The following COL19A1 variants were observed in gnomAD, a reference collection of about 807,000 sequenced individuals.
COL19A1 encodes collagen type XIX alpha 1 chain.
Under a neutral mutation model 190.2 loss-of-function variants are expected in COL19A1, and 159 were observed. The ratio of observed to expected loss-of-function variants is 0.84; its 90% CI spans 0.73 to 0.95. The LOEUF is 0.95. COL19A1 is among the 40% of genes least tolerant of loss of function. The pLI, the probability that COL19A1 is intolerant of heterozygous loss-of-function variation, is 0.00. For missense variants in COL19A1, 1,418 were observed against 1,431.9 expected, an observed-to-expected ratio of 0.99 and a Z score of 0.16; for synonymous variants, 509 against 458.9, an observed-to-expected ratio of 1.11 and a Z score of -1.39.
At chr6:70,083,016 A>T (rs1782362028) in intron 15 of COL19A1, among the ~76,000 whole-genome samples, 1 of 152,188 alleles carries the variant, frequency 6.6e-6, no homozygotes, top group African/African-American at 2.4e-5. Flanking sequence ...CCTGCTGTGC[A>T]GCCCGGTTCC....
intron 16 of COL19A1, among the ~76,000 whole-genome samples, chr6:70,117,706 G>A (rs904681195): frequency 1.3e-5 from 2 of 152,112 alleles, no homozygotes; most frequent in Non-Finnish European, 2.9e-5. Flanking sequence ...GCATATTTTA[G>A]CTGCTCTGTA....
intron 42 of COL19A1, 43 bp downstream of exon 42, chr6:70,176,607 T>G (rs199671919): frequency 3.9e-4 from 616 of 1,598,526 alleles, no homozygotes; most frequent in Non-Finnish European, 4.7e-4. Flanking sequence ...GGTAAACGGT[T>G]CTATCTCCAT....
At chr6:69,915,715 C>T (rs988099886) in intron 4 of COL19A1, among the ~76,000 whole-genome samples, 1 of 152,082 alleles carries the variant, frequency 6.6e-6, no homozygotes, top group African/African-American at 2.4e-5. Context: ...ATTATTTTCA[C>T]GTTTGAATAA....
chr6:69,924,555 A>G (rs1303835298), intron 4 of COL19A1, among the ~76,000 whole-genome samples: 1 of 152,188 alleles, frequency 6.6e-6, no homozygotes, highest in Non-Finnish European at 1.5e-5. Flanking sequence ...TAGTGCCGCA[A>G]TAAACATATG....
rs976603445 is a variant in COL19A1 at position 70,032,694 on chromosome 6, T to A, written c.1081-1551T>A. On this transcript the variant is annotated intron_variant, in intron 12 of 50. Coordinates refer to ENST00000620364, the MANE Select transcript of COL19A1 (RefSeq NM_001858.6). ...CAGTGTTTTATATTCATAATACACC[T>A]CAATTCAGAGTAGTCACATTTCAAG... 8.1e-4 allele frequency among the ~76,000 whole-genome samples: 123 copies of A among 152,266 alleles called. 1 individual carries two copies. The highest frequency in any genetic ancestry group is 2.5e-3 in the African/African-American group (102 of 41,554).
At chr6:70,089,888 T>C (rs1782797871) in intron 15 of COL19A1, among the ~76,000 whole-genome samples, 1 of 152,128 alleles carries the variant, frequency 6.6e-6, no homozygotes, top group Non-Finnish European at 1.5e-5. Flanking sequence ...TATCTTTTTT[T>C]CCAGTCAAAA....
At chr6:70,176,097 ACT>A (rs527264538) in intron 41 of COL19A1, among the ~76,000 whole-genome samples, 90 of 152,222 alleles carry the variant, frequency 5.9e-4, no homozygotes, top group Middle Eastern at 3.4e-3. Flanking sequence ...TTTTATTCTA[ACT>A]CTATATCCAA....
chr6:70,179,831 G>A (rs1168017290), intron 42 of COL19A1, among the ~76,000 whole-genome samples: 1 of 152,116 alleles, frequency 6.6e-6, no homozygotes, highest in African/African-American at 2.4e-5. Flanking sequence ...GGCCTGCGGA[G>A]TTGACTATAT....
chr6:70,121,849 T>C (rs757126807), intron 16 of COL19A1, 31 bp from the exon 17 acceptor site: 10 of 1,352,818 alleles, frequency 7.4e-6, no homozygotes, highest in South Asian at 1.3e-5. Context: ...TAAATGTGTA[T>C]ATATTTGTCT....
chr6:70,048,448 G>T (rs1342176330), intron 14 of COL19A1, among the ~76,000 whole-genome samples: 2 of 151,966 alleles, frequency 1.3e-5, no homozygotes, highest in Admixed American at 6.6e-5. Flanking sequence ...ACTGTGTTAA[G>T]CCCTGCAGAC....
chr6:70,177,501 C>T lies in COL19A1; in HGVS notation c.2667+937C>T, dbSNP rs545474839. Among the ~76,000 whole-genome samples the T allele has an allele frequency of 3.9e-5, 6 of 152,300 alleles. No homozygotes were observed. In the South Asian group the frequency reaches 1.2e-3, roughly 32 times the overall value. ...TAACAACACAAAATAGAGCCCCATC[C>T]ATCATCTGCATCCTTCGTAGATGAT... On this transcript the variant is annotated intron_variant, in intron 42 of 50. Transcript: ENST00000620364.
At chr6:69,976,494 A>G (rs868768267) in intron 11 of COL19A1, among the ~76,000 whole-genome samples, 1 of 152,174 alleles carries the variant, frequency 6.6e-6, no homozygotes, top group Non-Finnish European at 1.5e-5. Flanking sequence ...TTCAGAGAGT[A>G]GATATGAAAT....
chr6:69,909,374 TTAATTA>T (rs1343694409), intron 4 of COL19A1, among the ~76,000 whole-genome samples: 2 of 152,130 alleles, frequency 1.3e-5, no homozygotes, highest in East Asian at 1.9e-4. Context: ...GAAGACAGAC[TTAATTA>T]TAATTATAAT....
intron 10 of COL19A1, among the ~76,000 whole-genome samples, chr6:69,962,495 T>C (rs991745080): frequency 2.0e-5 from 3 of 152,172 alleles, no homozygotes; most frequent in Non-Finnish European, 2.9e-5. Context: ...GTCTTTGCCA[T>C]GAACTATGAG....
At position 69,978,546 on chromosome 6, in the gene COL19A1, A is replaced by G. The variant is rs535733847; in HGVS notation, c.1026+15676A>G. Among the ~76,000 whole-genome samples, 10 of 152,120 alleles carry G rather than the reference A, an allele frequency of 6.6e-5. No homozygotes were observed. The East Asian group carries it at 1.9e-3, about 29-fold the overall frequency. ...GAAAATTCATAAAAATCAATGCACA[A>G]GAAAAATACTTTATATAAAACATAT... On this transcript the variant is annotated intron_variant, in intron 11 of 50. Transcript: ENST00000620364.
At chr6:70,120,864 A>G (rs943523233) in intron 16 of COL19A1, among the ~76,000 whole-genome samples, 3 of 152,204 alleles carry the variant, frequency 2.0e-5, no homozygotes, top group Non-Finnish European at 1.5e-5. Context: ...TCTTTTCTGT[A>G]TACCTAAGGT....
intron 11 of COL19A1, among the ~76,000 whole-genome samples, chr6:70,009,951 G>A (rs1777886255): frequency 6.6e-6 from 1 of 151,910 alleles, no homozygotes; most frequent in African/African-American, 2.4e-5. Context: ...ACTTAAAATA[G>A]GTAATAGAAA....
intron 7 of COL19A1, among the ~76,000 whole-genome samples, chr6:69,935,922 G>A (rs1445070925): frequency 6.6e-6 from 1 of 151,944 alleles, no homozygotes; most frequent in African/African-American, 2.4e-5. Context: ...AACCACAGTA[G>A]AAAACCACAG....
At chr6:69,995,539 C>T (rs1372001394) in intron 11 of COL19A1, among the ~76,000 whole-genome samples, 3 of 147,034 alleles carry the variant, frequency 2.0e-5, no homozygotes, top group African/African-American at 7.8e-5. Flanking sequence ...TTTTTTTTTA[C>T]CAAAAGCATG....
Sources: allele counts gnomAD v4.1 joint callset (sites outside exome capture counted in the v4.1 genomes callset), GRCh38; gene constraint gnomAD v4.1.1; transcripts MANE v1.5; gene names NCBI Gene and HGNC (gene_info 2026-07-23, HGNC 2026-07-21).